GRM8: variants seen among roughly 807,000 people sequenced by gnomAD.
The protein encoded by GRM8 is metabotropic glutamate receptor 8.
GRM8 carries 47 observed loss-of-function variants against 87.2 expected under a neutral mutation model. That is an observed-to-expected ratio of 0.54 (90% CI 0.43 to 0.69). The LOEUF is 0.69. Among genes scored for constraint, GRM8 ranks in the 30% least tolerant of loss-of-function variants. GRM8 has a pLI of 0.00. For missense variants in GRM8, 1,019 were observed against 1,139.2 expected, an observed-to-expected ratio of 0.89 and a Z score of 1.52; for synonymous variants, 396 against 404.5, an observed-to-expected ratio of 0.98 and a Z score of 0.25.
intron 9 of GRM8, among the ~76,000 whole-genome samples, chr7:126,451,127 T>A (rs1322270320): frequency 1.3e-5 from 2 of 151,844 alleles, no homozygotes; most frequent in Non-Finnish European, 2.9e-5. Context: ...ACTTATATAC[T>A]GACAAATTCC....
chr7:126,799,924 C>A (rs1822462659), intron 6 of GRM8, among the ~76,000 whole-genome samples: 1 of 152,084 alleles, frequency 6.6e-6, no homozygotes, highest in Non-Finnish European at 1.5e-5. Flanking sequence ...ACTTCAGAAT[C>A]CAGTAATCTC....
At chr7:126,551,744 G>A (rs1405236474) in intron 8 of GRM8, among the ~76,000 whole-genome samples, 1 of 151,422 alleles carries the variant, frequency 6.6e-6, no homozygotes, top group African/African-American at 2.4e-5. Flanking sequence ...TTATCATAAT[G>A]CCATTCCTTG....
chr7:127,083,127 C>CCATCACA (rs1229002439), intron 3 of GRM8, among the ~76,000 whole-genome samples: 6 of 152,320 alleles, frequency 3.9e-5, no homozygotes, highest in African/African-American at 1.2e-4. Context: ...ATAAAATCAA[C>CCATCACA]CATCACACTT....
chr7:126,691,231 G>C (rs2151371785), intron 7 of GRM8, among the ~76,000 whole-genome samples: 1 of 152,330 alleles, frequency 6.6e-6, no homozygotes, highest in African/African-American at 2.4e-5. Context: ...AGGTGGCAGG[G>C]GGCTGGTGTG....
At chr7:126,637,559 A>C (rs1585315465) in intron 7 of GRM8, among the ~76,000 whole-genome samples, 1 of 152,218 alleles carries the variant, frequency 6.6e-6, no homozygotes, top group Non-Finnish European at 1.5e-5. Context: ...AAAATGGCTT[A>C]GACATCGTTG....
intron 6 of GRM8, among the ~76,000 whole-genome samples, chr7:126,900,352 A>G (rs1287137988): frequency 6.6e-6 from 1 of 152,084 alleles, no homozygotes; most frequent in African/African-American, 2.4e-5. Flanking sequence ...TAACATCAGC[A>G]TCCTCCATGA....
At chr7:127,226,669 A>C (rs1797346037) in intron 2 of GRM8, among the ~76,000 whole-genome samples, 1 of 152,218 alleles carries the variant, frequency 6.6e-6, no homozygotes, top group African/African-American at 2.4e-5. Flanking sequence ...TATAACGTTA[A>C]ATTTGAAAAT....
chr7:127,072,133 C>A (rs1156654), intron 3 of GRM8, among the ~76,000 whole-genome samples: 52,755 of 151,878 alleles, frequency 0.35, 9,599 homozygotes, highest in Non-Finnish European at 0.41. Flanking sequence ...TGTAATATAT[C>A]GTGTTTCCTT....
intron 6 of GRM8, among the ~76,000 whole-genome samples, chr7:126,899,133 G>GTGTGTGTGTGTGTGTT (rs1465164757): frequency 6.6e-6 from 1 of 151,678 alleles, no homozygotes; most frequent in Non-Finnish European, 1.5e-5. Context: ...GTGTGTGTGT[G>GTGTGTGTGTGTGTGTT]TATGAGTCCA....
chr7:126,892,670 T>G (rs2131104804), intron 6 of GRM8, among the ~76,000 whole-genome samples: 1 of 152,250 alleles, frequency 6.6e-6, no homozygotes, highest in Middle Eastern at 3.4e-3. Flanking sequence ...GTTGGCTGGG[T>G]CAAATGGTAT....
intron 7 of GRM8, among the ~76,000 whole-genome samples, chr7:126,750,695 G>A (rs1200472846): frequency 6.6e-6 from 1 of 152,018 alleles, no homozygotes; most frequent in Non-Finnish European, 1.5e-5. Flanking sequence ...CTCAGTTCCT[G>A]TTTTCACTTT....
At chr7:126,648,934 G>T (rs956573027) in intron 7 of GRM8, among the ~76,000 whole-genome samples, 5 of 152,086 alleles carry the variant, frequency 3.3e-5, no homozygotes, top group African/African-American at 1.2e-4. Flanking sequence ...ATATAATTTG[G>T]AGACTTCATT....
chr7:126,533,860 C>G lies in GRM8; in HGVS notation c.1522G>C (p.Glu508Gln). ...KVEDMQWAHR[E>Q]HTHPASVCSL... The stretch of plus-strand genomic sequence containing the variant: ...CAGACAGACGCCGGGTGAGTATGTT[C>G]TCTATGAGCCCACTGCATGTCTTCC... Residue 508 changes from glutamate (E) to glutamine (Q), a missense_variant, in exon 9 of 11, where the codon GAA becomes CAA. By Grantham distance (29) the Glu-to-Gln change is conservative. Transcript: ENST00000339582. The G allele has an allele frequency of 6.2e-7, 1 of 1,613,604 alleles. No homozygotes were observed. The highest frequency in any genetic ancestry group is 8.5e-7 in the Non-Finnish European group (1 of 1,179,666).
At chr7:126,749,683 TA>T (rs1180464606) in intron 7 of GRM8, among the ~76,000 whole-genome samples, 16 of 151,964 alleles carry the variant, frequency 1.1e-4, no homozygotes, top group Non-Finnish European at 2.4e-4. Context: ...GATTTGAAGA[TA>T]CTTGATCAGA....
chr7:126,465,958 C>T (rs1804448251), intron 9 of GRM8, among the ~76,000 whole-genome samples: 1 of 151,918 alleles, frequency 6.6e-6, no homozygotes, highest in Admixed American at 6.6e-5. Flanking sequence ...TTATAAAGCA[C>T]TTATTACCAG....
chr7:126,656,398 G>A (rs1031954417), intron 7 of GRM8, among the ~76,000 whole-genome samples: 3 of 152,066 alleles, frequency 2.0e-5, no homozygotes, highest in Non-Finnish European at 4.4e-5. Flanking sequence ...TACCAAACAG[G>A]CCAGGCACAG....
chr7:127,002,401 C>A (rs2237777), intron 3 of GRM8, among the ~76,000 whole-genome samples: 56,183 of 151,272 alleles, frequency 0.37, 11,085 homozygotes, highest in African/African-American at 0.5. Context: ...TTTCTTCCTC[C>A]TACCCAGCTG....
intron 8 of GRM8, among the ~76,000 whole-genome samples, chr7:126,551,356 C>T (rs1380922984): frequency 6.6e-6 from 1 of 152,170 alleles, no homozygotes; most frequent in African/African-American, 2.4e-5. Context: ...TCTCTCTTGT[C>T]ATGAATGCTG....
intron 9 of GRM8, among the ~76,000 whole-genome samples, chr7:126,457,935 A>C (rs1387902727): frequency 6.6e-6 from 1 of 151,212 alleles, no homozygotes; most frequent in Non-Finnish European, 1.5e-5. Flanking sequence ...AATTACCAAT[A>C]ATTTGGTAAT....
Sources: gnomAD v4.1 joint callset for allele counts (sites outside exome capture counted in the v4.1 genomes callset) on GRCh38, gnomAD v4.1.1 for gene constraint, MANE v1.5 for transcripts, NCBI Gene and HGNC (gene_info 2026-07-23, HGNC 2026-07-21) for gene names.